GRID2: variants seen among roughly 807,000 people sequenced by gnomAD.
GRID2 encodes glutamate receptor ionotropic, delta-2.
A neutral mutation model predicts 114.8 loss-of-function variants in GRID2; 33 were observed. That is an observed-to-expected ratio of 0.29 (90% CI 0.22 to 0.38). The LOEUF is 0.38. Among genes scored for constraint, GRID2 ranks in the 10% least tolerant of loss-of-function variants. GRID2 has a pLI of 1.00. For missense variants in GRID2, 1,184 were observed against 1,257.7 expected, an observed-to-expected ratio of 0.94 and a Z score of 0.89; for synonymous variants, 505 against 449.9, an observed-to-expected ratio of 1.12 and a Z score of -1.55.
intron 8 of GRID2, among the ~76,000 whole-genome samples, chr4:93,278,063 A>G (rs973992737): frequency 1.3e-5 from 2 of 151,940 alleles, no homozygotes; most frequent in Admixed American, 1.3e-4. Context: ...GAGCAGATAA[A>G]TTTGACTGGA....
At chr4:93,583,981 G>T (rs1002730012) in intron 13 of GRID2, among the ~76,000 whole-genome samples, 11 of 152,148 alleles carry the variant, frequency 7.2e-5, no homozygotes, top group Admixed American at 5.9e-4. Flanking sequence ...ACAGGAAGCA[G>T]ATGGAAAATG....
chr4:93,318,293 C>T (rs1454899537), intron 8 of GRID2, among the ~76,000 whole-genome samples: 1 of 151,484 alleles, frequency 6.6e-6, no homozygotes, highest in Non-Finnish European at 1.5e-5. Flanking sequence ...CATAACCTTA[C>T]AGAAATGAAT....
chr4:93,104,393 G>C (rs1006561003), intron 3 of GRID2, among the ~76,000 whole-genome samples: 16 of 151,992 alleles, frequency 1.1e-4, no homozygotes, highest in Admixed American at 8.5e-4. Context: ...TGCCATGCTG[G>C]TGTGCTGCAC....
At chr4:93,226,263 GA>G (rs1161190427) in intron 7 of GRID2, among the ~76,000 whole-genome samples, 1 of 152,090 alleles carries the variant, frequency 6.6e-6, no homozygotes, top group African/African-American at 2.4e-5. Context: ...ATCAGATATG[GA>G]AGAGACTCAC....
At chr4:93,572,468 G>A (rs1736016561) in intron 13 of GRID2, among the ~76,000 whole-genome samples, 1 of 151,762 alleles carries the variant, frequency 6.6e-6, no homozygotes, top group South Asian at 2.1e-4. Context: ...TAATTTTAGA[G>A]ACCTCATTAT....
chr4:93,615,214 T>A (rs558965416), intron 13 of GRID2, among the ~76,000 whole-genome samples: 1 of 152,232 alleles, frequency 6.6e-6, no homozygotes, highest in Admixed American at 6.5e-5. Flanking sequence ...ACTCTTTGAT[T>A]CTACAAGCTT....
intron 14 of GRID2, among the ~76,000 whole-genome samples, chr4:93,750,258 A>G (rs868136788): frequency 2.0e-5 from 3 of 152,226 alleles, no homozygotes; most frequent in Admixed American, 2.0e-4. Flanking sequence ...GGAAAGTTCA[A>G]AAGATGGATC....
chr4:92,618,540 T>C (rs1730115932), intron 2 of GRID2, among the ~76,000 whole-genome samples: 1 of 151,784 alleles, frequency 6.6e-6, no homozygotes, highest in South Asian at 2.1e-4. Context: ...TCCAATTCTG[T>C]GAAGAATGTC....
intron 2 of GRID2, among the ~76,000 whole-genome samples, chr4:92,783,633 C>T (rs1739186898): frequency 6.6e-6 from 1 of 151,838 alleles, no homozygotes; most frequent in South Asian, 2.1e-4. Flanking sequence ...CCTCTAATTC[C>T]AGAGTTTTGG....
At chr4:93,427,419 G>C (rs1429047981) in intron 10 of GRID2, among the ~76,000 whole-genome samples, 3 of 151,888 alleles carry the variant, frequency 2.0e-5, no homozygotes, top group Non-Finnish European at 4.4e-5. Flanking sequence ...AAATATCTCT[G>C]TACAAGACAG....
intron 2 of GRID2, among the ~76,000 whole-genome samples, chr4:92,769,287 T>A (rs1452140376): frequency 6.6e-6 from 1 of 152,200 alleles, no homozygotes; most frequent in Non-Finnish European, 1.5e-5. Context: ...AAAAAATGGA[T>A]TCCCATGGTC....
At chr4:92,601,023 C>T (rs77018722) in intron 2 of GRID2, among the ~76,000 whole-genome samples, 2,916 of 152,218 alleles carry the variant, frequency 0.019, 95 homozygotes, top group African/African-American at 0.066. Context: ...AGCCGTCCCT[C>T]CCCCAAAGGG....
chr4:92,369,210 A>G (rs918789589), intron 1 of GRID2, among the ~76,000 whole-genome samples: 3 of 152,040 alleles, frequency 2.0e-5, no homozygotes, highest in African/African-American at 4.8e-5. Flanking sequence ...TGACTCAATG[A>G]CCTAATAATA....
intron 8 of GRID2, among the ~76,000 whole-genome samples, chr4:93,377,790 G>C (rs1392555685): frequency 1.3e-5 from 2 of 151,908 alleles, no homozygotes; most frequent in Non-Finnish European, 2.9e-5. Context: ...ATCAAAATGA[G>C]TCTCAAAATT....
chr4:92,586,355 T>TACACACACAC (rs200184543), intron 1 of GRID2, among the ~76,000 whole-genome samples: 2 of 145,896 alleles, frequency 1.4e-5, no homozygotes, highest in Admixed American at 6.9e-5. Flanking sequence ...ACAAAAAATC[T>TACACACACAC]ACACACACAC....
chr4:92,722,828 A>C (rs146617995), intron 2 of GRID2, among the ~76,000 whole-genome samples: 706 of 152,210 alleles, frequency 4.6e-3, no homozygotes, highest in Non-Finnish European at 8.0e-3. Flanking sequence ...ACCCTTTCCC[A>C]ATTGTAACAT....
chr4:92,600,049 T>TATATATAA (rs1729146224), intron 2 of GRID2, among the ~76,000 whole-genome samples: 1 of 48,182 alleles, frequency 2.1e-5, no homozygotes, highest in South Asian at 8.8e-4. Flanking sequence ...TGTGTGTATA[T>TATATATAA]ATATATATAT....
rs1167124406 is a variant in GRID2, at chr4:93,405,819, AC to A, written c.1347+10113del. ...AGTTTCAACATAATCACAAGACAAA[AC>A]CAGTTCCACATAAAATTCTTCAGAA... On this transcript the variant is annotated intron_variant, in intron 9 of 15. Transcript: ENST00000282020. Among the ~76,000 whole-genome samples, 3 of 152,274 alleles carry A rather than the reference AC, an allele frequency of 2.0e-5. No homozygotes were observed. In the East Asian group the frequency reaches 5.8e-4, roughly 29 times the overall value.
intron 2 of GRID2, among the ~76,000 whole-genome samples, chr4:92,654,129 T>C (rs980585421): frequency 2.0e-5 from 3 of 151,936 alleles, no homozygotes; most frequent in African/African-American, 7.2e-5. Context: ...ACAGACTGTG[T>C]GGCTTAAGCA....
Sources: gnomAD v4.1 joint callset for allele counts (sites outside exome capture counted in the v4.1 genomes callset) on GRCh38, gnomAD v4.1.1 for gene constraint, MANE v1.5 for transcripts, NCBI Gene and HGNC (gene_info 2026-07-23, HGNC 2026-07-21) for gene names.